Variants in DOC2A observed in about 807,000 individuals in gnomAD.
DOC2A encodes the protein double C2 domain alpha.
Under a neutral mutation model 40.6 loss-of-function variants are expected in DOC2A, and 28 were observed. That is an observed-to-expected ratio of 0.69 (90% CI 0.51 to 0.95). The LOEUF (loss-of-function observed/expected upper bound fraction) is 0.95, where lower values mean the gene tolerates loss of function less well. DOC2A is among the 40% of genes least tolerant of loss of function. DOC2A has a pLI of 0.00. For missense variants in DOC2A, 474 were observed against 552.5 expected, an observed-to-expected ratio of 0.86 and a Z score of 1.42; for synonymous variants, 241 against 236.9, an observed-to-expected ratio of 1.02 and a Z score of -0.16.
rs139431507 is a variant in DOC2A, at chr16:30,007,208, T to G, written c.619A>C (p.Lys207Gln). ...PLRRLKPSQK[K>Q]HFNICLERQV... ...CGCTCGAGGCAGATGTTAAAATGCT[T>G]CTTCTGCGAAGGCTTGAGGCGGCGG... Residue 207 changes from lysine to glutamine, a missense_variant, in exon 6 of 11, where the codon AAG becomes CAG. Lys to Gln is a moderately conservative substitution (Grantham distance 53). Transcript: ENST00000350119. 662 of 1,613,972 alleles carry G rather than the reference T, an allele frequency of 4.1e-4. 1 individual carries two copies. Among genetic ancestry groups the G allele is most frequent in the Admixed American group, 7.0e-4 (42 of 60,022 alleles).
At chr16:30,020,865 A>T (rs2070901189) in intron 1 of DOC2A, among the ~76,000 whole-genome samples, 2 of 151,700 alleles carry the variant, frequency 1.3e-5, no homozygotes, top group Admixed American at 1.3e-4. Context: ...AACAAAACAA[A>T]ACAAAAAATA....
At chr16:30,015,138 T>C (rs1289184278), upstream of DOC2A, 1 of 151,908 alleles carries the variant, frequency 6.6e-6, no homozygotes, top group Non-Finnish European at 1.5e-5. Flanking sequence ...AAAAAAATAA[T>C]AAATACACAG....
upstream of DOC2A, chr16:30,013,672 T>C (rs952784071): frequency 6.7e-6 from 1 of 148,960 alleles, no homozygotes; most frequent in East Asian, 1.9e-4. Context: ...ATCTTACAGA[T>C]ATGCCAACCC....
At chr16:30,019,017 T>C (rs1469642591) in intron 1 of DOC2A, 1 of 152,310 alleles carries the variant, frequency 6.6e-6, no homozygotes, top group Non-Finnish European at 1.5e-5. Context: ...TAAGCCAGAT[T>C]AGAAGAGGTT....
At chr16:30,014,855 G>C (rs561190982), upstream of DOC2A, 2 of 145,194 alleles carry the variant, frequency 1.4e-5, no homozygotes, top group South Asian at 4.4e-4. Flanking sequence ...GCTTGAACCT[G>C]GGAGGCGGAG....
chr16:30,007,056 C>G lies in DOC2A; in HGVS notation c.689G>C (p.Arg230Thr). ...CTCCTTCAGATAACAGGAGATGCCCCTCAGCGCCGCTGACATGGAAGAGGG... is the reference window on the plus strand; with the variant it reads ...CTCCTTCAGATAACAGGAGATGCCCGTCAGCGCCGCTGACATGGAAGAGGG... ...ASPSSMSAAL[R>T]GISCYLKELE... The change falls in exon 7 of 11, where the codon AGG (arginine) becomes ACG (threonine). Residue 230 changes from arginine to threonine, a missense_variant. Transcript: ENST00000350119. The G allele has an allele frequency of 1.2e-6, 2 of 1,613,972 alleles. No individual in the cohort carries two copies. The highest frequency in any genetic ancestry group is 1.7e-6 in the Non-Finnish European group (2 of 1,179,984).
At position 30,010,224 on chromosome 16, in the gene DOC2A, C is replaced by T; in HGVS notation, c.-2G>A. 6.2e-7 allele frequency: 1 copy of T among 1,613,686 alleles called. No homozygotes were observed. The highest frequency in any genetic ancestry group is 8.5e-7 in the Non-Finnish European group (1 of 1,179,970). On this transcript the variant is annotated 5_prime_UTR_variant, in exon 2 of 11. Transcript: ENST00000350119. The surrounding 1 kb of genome is among the most constrained non-coding windows in gnomAD (Gnocchi z 4.2). ...GCGATCGCCCCTGCGGCCCCTCATG[C>T]AGCACCCCTGGCTAGGAGAGGGCGT...
rs1490745302 is a variant in DOC2A, at chr16:30,009,679, G to A, written c.263-122C>T. On this transcript the variant is annotated intron_variant, in intron 2 of 10. Transcript: ENST00000350119. The surrounding 1 kb of genome is among the most constrained non-coding windows in gnomAD (Gnocchi z 4.1). ...CCAGCCCGCGAGTGTGAGTGCAAGA[G>A]GCTGAGTGGGCCCATGCGTGTGTGC... 3 of 986,260 alleles carry A rather than the reference G, an allele frequency of 3.0e-6. No homozygotes were observed. The highest frequency in any genetic ancestry group is 4.7e-6 in the Non-Finnish European group (3 of 644,134). 61.1% of individuals were successfully genotyped at this position (986,260 alleles called of 1,614,324 possible).
At position 30,006,796 on chromosome 16, in the gene DOC2A, G is replaced by A; in HGVS notation, c.867C>T (p.Pro289=). 1 of 1,613,764 alleles carries A rather than the reference G, an allele frequency of 6.2e-7. No homozygotes were observed. The highest frequency in any genetic ancestry group is 1.1e-5 in the South Asian group (1 of 91,086). Residue 289 remains proline, a synonymous_variant, in exon 8 of 11, where the codon CCC becomes CCT. Transcript: ENST00000350119. The surrounding 1 kb of genome is among the most constrained non-coding windows in gnomAD (Gnocchi z 6.2). ...GAGCAAGGGCTCACGTCTTGACGTA[G>A]GGGTCCGAGTAACCGTTGACGTCCA... ...AAMDVNGYSD[P]YVKTYLRPDV... is the part of the protein sequence containing the mutation.
In DOC2A at chr16:30,009,519, G is replaced by GGTC; in HGVS notation, c.298_300dup (p.Asp100dup). ...CTACAGTGCAGAGTGCAGGAGGCCC[G>GGTC]GTCGTAGAGAAGGTCAAACTCCAGC... On this transcript the variant is annotated inframe_insertion, in exon 3 of 11. Transcript: ENST00000350119. The surrounding 1 kb of genome is among the most constrained non-coding windows in gnomAD (Gnocchi z 4.1). 6.4e-7 allele frequency: 1 copy of GGTC among 1,551,530 alleles called. No individual in the cohort carries two copies. The highest frequency in any genetic ancestry group is 8.7e-7 in the Non-Finnish European group (1 of 1,146,988).
At chr16:30,008,686 G>A in intron 5 of DOC2A, 1 of 346,484 alleles carries the variant, frequency 2.9e-6, no homozygotes, top group African/African-American at 2.1e-5. Context: ...TGTATTTTTA[G>A]TAGAGACGGG....
intron 5 of DOC2A, 155 bp from the exon 6 acceptor site, chr16:30,007,454 C>T (rs894900223): frequency 4.0e-6 from 4 of 992,836 alleles, no homozygotes; most frequent in Non-Finnish European, 6.1e-6. Context: ...TTTGCCCATT[C>T]CTCTGTCCCT....
chr16:30,018,213 G>A (rs1032707804), intron 1 of DOC2A, among the ~76,000 whole-genome samples: 6 of 147,712 alleles, frequency 4.1e-5, no homozygotes, highest in Non-Finnish European at 5.9e-5. Flanking sequence ...CTGGGAGGTC[G>A]ATGCTGCAGT....
chr16:30,011,470 G>A (rs1414877410), upstream of DOC2A: 1 of 954,368 alleles, frequency 1.0e-6, no homozygotes, highest in Non-Finnish European at 1.2e-6. Flanking sequence ...GCGCGGCCAC[G>A]GCGCCTCCCT....
rs750150872 is a variant in DOC2A at position 30,009,915 on chromosome 16, T to G, written c.262+46A>C. ...CCCTCTCCCCCCACCACGGCAAGCC[T>G]GGAGACCCCCACCAGCACATGGGGC... On this transcript the variant is annotated intron_variant, in intron 2 of 10. Coordinates refer to ENST00000350119, the MANE Select transcript of DOC2A (RefSeq NM_003586.3). This position sits in a 1 kb window ranked among gnomAD's most constrained non-coding sequence, Gnocchi z 4.1. 26 of 1,538,462 alleles carry G rather than the reference T, an allele frequency of 1.7e-5. No homozygotes were observed. The highest frequency in any genetic ancestry group is 2.2e-5 in the Non-Finnish European group (25 of 1,134,814).
upstream of DOC2A, among the ~76,000 whole-genome samples, chr16:30,016,031 ATATATATATATATATATATATATATTTTT>A: frequency 1.8e-5 from 1 of 56,880 alleles, no homozygotes; most frequent in African/African-American, 1.2e-4. Flanking sequence ...ATATATATAT[ATATATATATATATATATATATATATTTTT>A]TTTTTTTTTT....
chr16:30,017,065 T>C (rs990908594), upstream of DOC2A, among the ~76,000 whole-genome samples: 6 of 151,928 alleles, frequency 3.9e-5, no homozygotes, highest in African/African-American at 1.5e-4. Context: ...GAGTACGGCA[T>C]ATTCAGAAAA....
rs759726649 is a variant in DOC2A, at chr16:30,007,236, G to A, written c.591C>T (p.Pro197=). Residue 197 remains proline (P), a synonymous_variant, in exon 6 of 11, where the codon CCC becomes CCT. Coordinates refer to ENST00000350119, the MANE Select transcript of DOC2A (RefSeq NM_003586.3). ...TCTGCGAAGGCTTGAGGCGGCGGAG[G>A]GGCACGCGGATCTCCCCAATAAACT... ...HNEFIGEIRV[P]LRRLKPSQKK... is the part of the protein sequence containing the mutation. 1 of 1,613,874 alleles carries A rather than the reference G, an allele frequency of 6.2e-7. No homozygotes were observed. The highest frequency in any genetic ancestry group is 1.3e-5 in the African/African-American group (1 of 74,928).
rs569613368 is a variant in DOC2A, at chr16:30,007,465, CCCTCTGCAGCCACCCGGCTGTCCCTG to C, written c.528-192_528-167del. 9.3e-6 allele frequency: 8 copies of C among 864,072 alleles called. No individual in the cohort carries two copies. In the East Asian group the frequency reaches 2.1e-4, roughly 23 times the overall value. 53.5% of individuals were successfully genotyped at this position (864,072 alleles called of 1,614,324 possible). A position where few individuals can be genotyped will look rare whatever the true frequency, so the allele number is the denominator to read the frequency against. ...CAGATTTGCCCATTCCTCTGTCCCT[CCCTCTGCAGCCACCCGGCTGTCCCTG>C]GTCCATCAGGACATGCTCAGCCATT... On this transcript the variant is annotated intron_variant, in intron 5 of 10. Transcript: ENST00000350119.
Sources: allele counts gnomAD v4.1 joint callset (sites outside exome capture counted in the v4.1 genomes callset), GRCh38; gene constraint gnomAD v4.1.1; non-coding constraint Gnocchi (gnomAD v3.1); transcripts MANE v1.5; gene names NCBI Gene and HGNC (gene_info 2026-07-23, HGNC 2026-07-21).